Variants in SYNPR observed in about 807,000 individuals in gnomAD.
SYNPR encodes synaptoporin.
A neutral mutation model predicts 32.9 loss-of-function variants in SYNPR; 23 were observed. The observed-to-expected ratio is 0.70, with a 90% CI of 0.50 to 0.99. SYNPR has a LOEUF of 0.99. Ranked by LOEUF, SYNPR falls within the 50% of genes least tolerant of loss-of-function variation. The pLI, the probability that SYNPR is intolerant of heterozygous loss-of-function variation, is 0.00. For synonymous variants in SYNPR, 146 were observed against 135.9 expected (o/e 1.07, Z -0.52); for missense variants, 318 against 349.3 (o/e 0.91, Z 0.71).
intron 2 of SYNPR, among the ~76,000 whole-genome samples, chr3:63,446,488 T>A (rs1309930209): frequency 6.6e-6 from 1 of 152,060 alleles, no homozygotes; most frequent in Non-Finnish European, 1.5e-5. Context: ...CTCCCCATTT[T>A]AAATCCACTT....
chr3:63,322,139 C>T (rs1451313), intron 2 of SYNPR, among the ~76,000 whole-genome samples: 20,068 of 151,952 alleles, frequency 0.13, 1,430 homozygotes, highest in Non-Finnish European at 0.16. Flanking sequence ...AGGATGACAC[C>T]CAACACTGAT....
chr3:63,492,187 T>C (rs189436109), intron 3 of SYNPR, among the ~76,000 whole-genome samples: 27 of 152,294 alleles, frequency 1.8e-4, no homozygotes, highest in African/African-American at 6.5e-4. Context: ...TGGCTGAATG[T>C]AACTGGAAGC....
chr3:63,466,608 G>A (rs983084721), intron 2 of SYNPR, among the ~76,000 whole-genome samples: 2 of 152,150 alleles, frequency 1.3e-5, no homozygotes, highest in African/African-American at 2.4e-5. Context: ...GCCAGCTCAG[G>A]CTGCTATAAC....
intron 4 of SYNPR, among the ~76,000 whole-genome samples, chr3:63,592,497 C>T (rs900319361): frequency 1.1e-4 from 17 of 151,912 alleles, no homozygotes; most frequent in African/African-American, 4.1e-4. Flanking sequence ...TATGGGAATG[C>T]TGAATTAAAA....
At chr3:63,476,209 GGAA>G (rs1194629765) in intron 2 of SYNPR, among the ~76,000 whole-genome samples, 11 of 70,488 alleles carry the variant, frequency 1.6e-4, no homozygotes, top group Admixed American at 2.7e-4. Context: ...AGGGAAGGAA[GGAA>G]GGAGGGAAGG....
Position 63,595,755 on chromosome 3 carries a change from A to AGT in SYNPR, c.409-13370_409-13369insGT, listed in dbSNP as rs1242744739. Among the ~76,000 whole-genome samples the AGT allele has an allele frequency of 1.8e-3, 59 of 32,280 alleles. 3 individuals carry two copies. The highest frequency in any genetic ancestry group is 0.012 in the African/African-American group (56 of 4,854). 21.2% of individuals were successfully genotyped at this position (32,280 alleles called of 152,430 possible). On this transcript the variant is annotated intron_variant, in intron 4 of 5. Transcript: ENST00000478300. The stretch of plus-strand genomic sequence containing the variant: ...TATATATATATATATATATATATAT[A>AGT]TATATATATATATAATTTTATATAT...
chr3:63,390,914 A>G (rs1334923447), intron 2 of SYNPR, among the ~76,000 whole-genome samples: 3 of 152,170 alleles, frequency 2.0e-5, no homozygotes, highest in African/African-American at 4.8e-5. Flanking sequence ...CTGTTGTTAG[A>G]CCATCAGCCC....
intron 3 of SYNPR, among the ~76,000 whole-genome samples, chr3:63,526,061 G>A (rs754385006): frequency 1.3e-5 from 2 of 152,162 alleles, no homozygotes; most frequent in Non-Finnish European, 2.9e-5. Flanking sequence ...GAGGGGAGGT[G>A]CCAGGCTCTT....
At chr3:63,476,714 T>G (rs891236066) in intron 2 of SYNPR, among the ~76,000 whole-genome samples, 2 of 152,144 alleles carry the variant, frequency 1.3e-5, no homozygotes, top group African/African-American at 4.8e-5. Context: ...TTCCCCTCAC[T>G]CATCTTCCAG....
chr3:63,383,407 A>G (rs1227569665), intron 2 of SYNPR, among the ~76,000 whole-genome samples: 3 of 152,196 alleles, frequency 2.0e-5, no homozygotes, highest in Non-Finnish European at 2.9e-5. Context: ...CTCCTGGAGC[A>G]GCATAGCAAA....
chr3:63,491,840 T>C (rs1701263350), intron 3 of SYNPR, among the ~76,000 whole-genome samples: 1 of 152,168 alleles, frequency 6.6e-6, no homozygotes, highest in African/African-American at 2.4e-5. Context: ...ATGATTTAAA[T>C]GCTACATAAG....
At position 63,473,103 on chromosome 3, in the gene SYNPR, C is replaced by T. The variant is rs1700835076; in HGVS notation, c.85-7729C>T. On this transcript the variant is annotated intron_variant, in intron 2 of 5. Coordinates refer to ENST00000478300, the MANE Select transcript of SYNPR (RefSeq NM_001130003.2). ...TTACCAAATGCACAGCCCAAATGTG[C>T]CACACTTGCTCATTTGTGTGTCTTT... Among the ~76,000 whole-genome samples the T allele has an allele frequency of 2.6e-5, 4 of 152,120 alleles. No individual in the cohort carries two copies. In the South Asian group the frequency reaches 8.3e-4, roughly 32 times the overall value.
intron 2 of SYNPR, among the ~76,000 whole-genome samples, chr3:63,378,571 T>C (rs1435610718): frequency 6.6e-6 from 1 of 152,054 alleles, no homozygotes; most frequent in African/African-American, 2.4e-5. Flanking sequence ...AGTCTTGAAA[T>C]TGGGTAAACT....
intron 2 of SYNPR, among the ~76,000 whole-genome samples, chr3:63,267,099 A>G (rs895447408): frequency 9.9e-5 from 15 of 152,218 alleles, no homozygotes; most frequent in Non-Finnish European, 2.2e-4. Context: ...TTGAGAACCT[A>G]TAGGCATAAA....
intron 3 of SYNPR, among the ~76,000 whole-genome samples, chr3:63,553,333 T>C (rs928826969): frequency 1.3e-5 from 2 of 152,210 alleles, no homozygotes; most frequent in African/African-American, 4.8e-5. Flanking sequence ...CTCTATGTAA[T>C]CAACCATTGA....
At chr3:63,340,752 T>A (rs997605388) in intron 2 of SYNPR, among the ~76,000 whole-genome samples, 1 of 152,212 alleles carries the variant, frequency 6.6e-6, no homozygotes, top group Non-Finnish European at 1.5e-5. Flanking sequence ...ATTTTAGGTT[T>A]ACAGAAAAGT....
At chr3:63,602,541 T>A (rs1315551935) in intron 4 of SYNPR, among the ~76,000 whole-genome samples, 6 of 152,150 alleles carry the variant, frequency 3.9e-5, no homozygotes, top group Admixed American at 3.9e-4. Context: ...AAGAAAAGGG[T>A]CCAGTTTTAA....
chr3:63,250,105 A>G (rs1443577489), intron 1 of SYNPR, among the ~76,000 whole-genome samples: 1 of 152,152 alleles, frequency 6.6e-6, no homozygotes, highest in Non-Finnish European at 1.5e-5. Flanking sequence ...AATAGGTTCT[A>G]GGGTTCTATA....
At chr3:63,453,452 C>A (rs1454346735) in intron 2 of SYNPR, among the ~76,000 whole-genome samples, 1 of 152,062 alleles carries the variant, frequency 6.6e-6, no homozygotes, top group African/African-American at 2.4e-5. Context: ...GTAGACCTGT[C>A]AGAATGGCAA....
Sources: gnomAD v4.1 joint callset for allele counts (sites outside exome capture counted in the v4.1 genomes callset) on GRCh38, gnomAD v4.1.1 for gene constraint, MANE v1.5 for transcripts, NCBI Gene and HGNC (gene_info 2026-07-23, HGNC 2026-07-21) for gene names.